ENTPD8: variants seen among roughly 807,000 people sequenced by gnomAD.
ENTPD8 encodes E-NTPDase 8.
Under a neutral mutation model 47.0 loss-of-function variants are expected in ENTPD8, and 35 were observed. That is an observed-to-expected ratio of 0.75 (90% CI 0.57 to 0.99). ENTPD8 has a LOEUF of 0.99. Ranked by LOEUF, ENTPD8 falls within the 50% of genes least tolerant of loss-of-function variation. The pLI is 0.00. For synonymous variants in ENTPD8, 308 were observed against 290.5 expected, an observed-to-expected ratio of 1.06 and a Z score of -0.61; for missense variants, 668 against 649.9, an observed-to-expected ratio of 1.03 and a Z score of -0.30.
rs1839370769 is a variant in ENTPD8 at position 137,436,657 on chromosome 9, G to T, written c.650C>A (p.Pro217His). ...GCTCTTGTCCAAGATGGGGCCCCCA[G>T]GCACGAACGTGATCTGGGTGGAGGC... ...GGASTQITFV[P>H]GGPILDKSTQ... Residue 217 changes from proline to histidine, a missense_variant, in exon 6 of 10, where the codon CCT (proline) becomes CAT (histidine). By Grantham distance (77) the Pro-to-His change is moderately conservative. Coordinates refer to ENST00000371506, the MANE Select transcript of ENTPD8 (RefSeq NM_001033113.2). 1 of 1,600,880 alleles carries T rather than the reference G, an allele frequency of 6.2e-7. No individual in the cohort carries two copies. Among genetic ancestry groups the T allele is most frequent in the Non-Finnish European group, 8.5e-7 (1 of 1,174,406 alleles).
intron 7 of ENTPD8, 58 bp from the exon 8 acceptor site, chr9:137,435,887 C>T (rs1016580834): frequency 3.7e-6 from 6 of 1,606,428 alleles, no homozygotes; most frequent in African/African-American, 2.7e-5. Context: ...CCAGATCCAC[C>T]CCACCCGGGC....
chr9:137,438,472 C>T lies in ENTPD8; in HGVS notation c.-20-167G>A, dbSNP rs531098449. ...CGCCTCCCGTGGCCATAGAGGCATC[C>T]CCGGGGCTCAGACGGTCTCCCGTGG... is the stretch of plus-strand genomic sequence containing the variant. On this transcript the variant is annotated intron_variant, in intron 1 of 9. Coordinates refer to ENST00000371506, the MANE Select transcript of ENTPD8 (RefSeq NM_001033113.2). This position sits in a 1 kb window ranked among gnomAD's most constrained non-coding sequence, Gnocchi z 5.7. 4.6e-5 allele frequency among the ~76,000 whole-genome samples: 7 copies of T among 151,804 alleles called. No homozygotes were observed. Among genetic ancestry groups the T allele is most frequent in the Admixed American group, 2.0e-4 (3 of 15,254 alleles).
Position 137,436,979 on chromosome 9 carries a change from C to G in ENTPD8, c.445G>C (p.Val149Leu). 3 of 1,612,968 alleles carry G rather than the reference C, an allele frequency of 1.9e-6. No homozygotes were observed. The highest frequency in any genetic ancestry group is 2.5e-6 in the Non-Finnish European group (3 of 1,179,948). Residue 149 changes from valine (V) to leucine (L), a missense_variant, in exon 5 of 10, where the codon GTC becomes CTC. Transcript: ENST00000371506. ...AAGTCCACGGGAGACCGGCCCAGGA[C>G]CTGGGTGACTGCTGCAAAGATGTCC... Reference protein sequence around the residue: ...ARDIFAAVTQVLGRSPVDFWG... With the variant: ...ARDIFAAVTQLLGRSPVDFWG...
rs2131900758 is a variant in ENTPD8 at position 137,434,758 on chromosome 9, G to T, written c.*156C>A. Reference sequence around the variant, plus strand: ...GAGGGGAGGTCATGCAGCCTCTGTGGCCAGCACCACCCTGACGGTGCCCTG... The same window carrying T: ...GAGGGGAGGTCATGCAGCCTCTGTGTCCAGCACCACCCTGACGGTGCCCTG... On this transcript the variant is annotated 3_prime_UTR_variant, in exon 10 of 10. Transcript: ENST00000371506. The T allele has an allele frequency of 1.0e-6, 1 of 977,440 alleles. No individual in the cohort carries two copies. The highest frequency in any genetic ancestry group is 1.6e-5 in the African/African-American group (1 of 61,020). 60.5% of individuals were successfully genotyped at this position (977,440 alleles called of 1,614,324 possible).
At position 137,438,172 on chromosome 9, in the gene ENTPD8, G is replaced by T; in HGVS notation, c.114C>A (p.Pro38=). Residue 38 remains proline, a synonymous_variant, in exon 2 of 10, where the codon CCC becomes CCA. Coordinates refer to ENST00000371506, the MANE Select transcript of ENTPD8 (RefSeq NM_001033113.2). The surrounding 1 kb of genome is among the most constrained non-coding windows in gnomAD (Gnocchi z 5.7). The stretch of plus-strand genomic sequence containing the variant: ...GGCGGGGACGCACCTTGATGTCTGT[G>T]GGCAGGAGCACGCTGGTGGCCTCCA... The part of the protein sequence containing the change: ...LLVEATSVLL[P]TDIKFGIVFD... 6.2e-7 allele frequency: 1 copy of T among 1,609,704 alleles called. No individual in the cohort carries two copies. The highest frequency in any genetic ancestry group is 8.5e-7 in the Non-Finnish European group (1 of 1,178,248).
In ENTPD8 at chr9:137,437,119, C is replaced by G. The variant is rs199654541; in HGVS notation, c.395+40G>C. The G allele has an allele frequency of 1.5e-4, 235 of 1,604,224 alleles. 1 individual carries two copies. The African/African-American group carries it at 2.9e-3, about 20-fold the overall frequency. On this transcript the variant is annotated intron_variant, in intron 4 of 9. Coordinates refer to ENST00000371506, the MANE Select transcript of ENTPD8 (RefSeq NM_001033113.2). ...ACGCTGGCTGAGACCATGGCTTCTG[C>G]AGCCACTCCCCGTGGGTGCCAAGGC...
At chr9:137,435,598 C>T (rs1348890508) in intron 8 of ENTPD8, 121 bp downstream of exon 8, 67 of 1,111,148 alleles carry the variant, frequency 6.0e-5, no homozygotes, top group Non-Finnish European at 8.4e-5. Flanking sequence ...CTGTCCTCTG[C>T]CCTTGCCTCC....
At position 137,436,547 on chromosome 9, in the gene ENTPD8, T is replaced by C. The variant is rs761307762; in HGVS notation, c.760A>G (p.Ser254Gly). Reference protein sequence around the residue: ...YLCFGRDQMLSRLLVGLVQSR... With the variant: ...YLCFGRDQMLGRLLVGLVQSR... ...TGTACCAGCCCCACGAGGAGCCTGC[T>C]CAGCATCTGGTCCCGTCCAAAGCAC... Residue 254 changes from serine (S) to glycine (G), a missense_variant, in exon 6 of 10, where the codon AGC becomes GGC. By Grantham distance (56) the Ser-to-Gly change is moderately conservative (BLOSUM62 0). Coordinates refer to ENST00000371506, the MANE Select transcript of ENTPD8 (RefSeq NM_001033113.2). 1 of 1,610,998 alleles carries C rather than the reference T, an allele frequency of 6.2e-7. No homozygotes were observed.
At chr9:137,437,049 G>A in intron 4 of ENTPD8, 21 bp from the exon 5 acceptor site, 1 of 1,607,642 alleles carries the variant, frequency 6.2e-7, no homozygotes, top group Non-Finnish European at 8.5e-7. Context: ...AGGACCAGGG[G>A]CTGGAGCTGG....
intron 9 of ENTPD8, 30 bp downstream of exon 9, chr9:137,435,163 CCCACGCCCACG>C (rs778619489): frequency 1.9e-6 from 3 of 1,601,318 alleles, no homozygotes; most frequent in Non-Finnish European, 2.6e-6. Context: ...CCACGACCTG[CCCACGCCCACG>C]CCCCGCCCAC....
intron 7 of ENTPD8, 40 bp downstream of exon 7, chr9:137,435,973 G>C: frequency 6.2e-7 from 1 of 1,607,226 alleles, no homozygotes; most frequent in Non-Finnish European, 8.5e-7. Flanking sequence ...GGCCTCACAA[G>C]GAAGCCCGGA....
Position 137,435,253 on chromosome 9 carries a change from C to A in ENTPD8, c.1247G>T (p.Gly416Val). The change falls in exon 9 of 10, where the codon GGC (glycine) becomes GTC (valine). Residue 416 changes from glycine to valine, a missense_variant. Transcript: ENST00000371506. ...CCAGGTCTCCTCGCTGAACCCGTAG[C>A]CCTCGTGCAGGAGGGTGAGGATGTA... ...GLYILTLLHE[G>V]YGFSEETWPS... 6.2e-7 allele frequency: 1 copy of A among 1,612,390 alleles called. No individual in the cohort carries two copies. The highest frequency in any genetic ancestry group is 8.5e-7 in the Non-Finnish European group (1 of 1,179,866).
chr9:137,435,727 A>G lies in ENTPD8; in HGVS notation c.1153T>C (p.Trp385Arg). ...GCCCAGGGCCCACCCACCAGTTTCCAGGGCCTCTGGCAAAACTCCCAGATG... is the reference window on the plus strand; with the variant it reads ...GCCCAGGGCCCACCCACCAGTTTCCGGGGCCTCTGGCAAAACTCCCAGATG... Reference protein sequence around the residue: ...ATIWEFCQRPWKLVEASYPGQ... With the variant: ...ATIWEFCQRPRKLVEASYPGQ... Residue 385 changes from tryptophan to arginine, a missense_variant, in exon 8 of 10, where the codon TGG becomes CGG. Transcript: ENST00000371506. 6.2e-7 allele frequency: 1 copy of G among 1,612,712 alleles called. No homozygotes were observed. The highest frequency in any genetic ancestry group is 8.5e-7 in the Non-Finnish European group (1 of 1,179,544).
rs1183059824 is a variant in ENTPD8 at position 137,438,282 on chromosome 9, C to G, written c.4G>C (p.Gly2Arg). Residue 2 changes from glycine (G) to arginine (R), a missense_variant, in exon 2 of 10, where the codon GGG becomes CGG. Physicochemically the swap from Gly to Arg is moderately radical, Grantham distance 125 (BLOSUM62 -2). Coordinates refer to ENST00000371506, the MANE Select transcript of ENTPD8 (RefSeq NM_001033113.2). This position sits in a 1 kb window ranked among gnomAD's most constrained non-coding sequence, Gnocchi z 5.7. M[G>R]LSRKEQVFLA... is the part of the protein sequence containing the mutation. ...AAGACCTGCTCCTTCCGGGACAGCC[C>G]CATGGTGCAGGTGGTACTGGTTCCT... The G allele has an allele frequency of 6.3e-7, 1 of 1,581,450 alleles. No individual in the cohort carries two copies. The highest frequency in any genetic ancestry group is 1.1e-5 in the South Asian group (1 of 87,834).
intron 3 of ENTPD8, 89 bp downstream of exon 3, chr9:137,437,878 C>A: frequency 7.4e-6 from 9 of 1,209,166 alleles, no homozygotes; most frequent in South Asian, 1.4e-5. Flanking sequence ...AGTCACTGAA[C>A]CTCTCCAAAC....
intron 1 of ENTPD8, among the ~76,000 whole-genome samples, chr9:137,439,462 C>T (rs1839459423): frequency 6.6e-6 from 1 of 152,178 alleles, no homozygotes; most frequent in African/African-American, 2.4e-5. Context: ...AAACGTTGCA[C>T]CCACACTGAG....
rs531915141 is a variant in ENTPD8, at chr9:137,435,758, G to A, written c.1122C>T (p.Asn374=). The part of the protein sequence containing the change: ...LTSRQPLSTV[N]ATIWEFCQRP... Reference sequence around the variant, plus strand: ...TCTGGCAAAACTCCCAGATGGTGGCGTTGACCGTGCTCAGGGGCTGCCTGG... The same window carrying A: ...TCTGGCAAAACTCCCAGATGGTGGCATTGACCGTGCTCAGGGGCTGCCTGG... Residue 374 remains asparagine (N), a synonymous_variant, in exon 8 of 10, where the codon AAC becomes AAT. Transcript: ENST00000371506. 199 of 1,613,534 alleles carry A rather than the reference G, an allele frequency of 1.2e-4. 2 individuals are homozygous for A. In the South Asian group the frequency reaches 1.3e-3, roughly 11 times the overall value.
At position 137,434,833 on chromosome 9, in the gene ENTPD8, G is replaced by C; in HGVS notation, c.*81C>G. 6.9e-7 allele frequency: 1 copy of C among 1,452,904 alleles called. No individual in the cohort carries two copies. Among genetic ancestry groups the C allele is most frequent in the Non-Finnish European group, 9.1e-7 (1 of 1,096,994 alleles). The allele number at this position is 1,452,904 out of a possible 1,614,324, so 90.0% of individuals were successfully genotyped here. The stretch of plus-strand genomic sequence containing the variant: ...GCAGAGCCACAGAGCAAGGCCCCAC[G>C]GCGCTCAGGGCTCAGGAAGCCTCCA... On this transcript the variant is annotated 3_prime_UTR_variant, in exon 10 of 10. Transcript: ENST00000371506.
chr9:137,434,471 C>G lies in ENTPD8; in HGVS notation c.*443G>C. 1 of 1,280,602 alleles carries G rather than the reference C, an allele frequency of 7.8e-7. No homozygotes were observed. The highest frequency in any genetic ancestry group is 1.4e-5 in the South Asian group (1 of 69,336). 79.3% of individuals were successfully genotyped at this position (1,280,602 alleles called of 1,614,324 possible). On this transcript the variant is annotated 3_prime_UTR_variant, in exon 10 of 10. Transcript: ENST00000371506. Reference sequence around the variant, plus strand: ...CAGCAGAAGCCCCCAGGCCTGGACTCCATCCATCTGCTCAGACAACAGCAG... The same window carrying G: ...CAGCAGAAGCCCCCAGGCCTGGACTGCATCCATCTGCTCAGACAACAGCAG...
Sources: gnomAD v4.1 joint callset for allele counts (sites outside exome capture counted in the v4.1 genomes callset) on GRCh38, gnomAD v4.1.1 for gene constraint, Gnocchi (gnomAD v3.1) non-coding constraint, MANE v1.5 for transcripts, NCBI Gene and HGNC (gene_info 2026-07-23, HGNC 2026-07-21) for gene names.